CTNNA3: variants seen among roughly 807,000 people sequenced by gnomAD.
CTNNA3 encodes the protein catenin alpha 3, also known as catenin alpha-3.
A neutral mutation model predicts 95.7 loss-of-function variants in CTNNA3; 76 were observed. That is an observed-to-expected ratio of 0.79 (90% CI 0.66 to 0.96). CTNNA3 has a LOEUF of 0.96. Ranked by LOEUF, CTNNA3 falls within the 40% of genes least tolerant of loss-of-function variation. CTNNA3 has a pLI of 0.00. For missense variants in CTNNA3, 1,191 were observed against 1,089.8 expected (o/e 1.09, Z -1.31); for synonymous variants, 431 against 374.4 (o/e 1.15, Z -1.74).
At chr10:66,964,965 T>C (rs549798552) in intron 7 of CTNNA3, among the ~76,000 whole-genome samples, 6 of 152,284 alleles carry the variant, frequency 3.9e-5, no homozygotes, top group African/African-American at 1.4e-4. Context: ...TTTAAAGCTA[T>C]TAAAAAGCAA....
rs376091500 is a variant in CTNNA3, at chr10:66,766,359, G to C, written c.1186C>G (p.Leu396Val). Residue 396 changes from leucine to valine, a missense_variant, in exon 9 of 18, where the codon CTT (leucine) becomes GTT (valine). Physicochemically the swap from Leu to Val is conservative, Grantham distance 32 (BLOSUM62 1). Coordinates refer to ENST00000433211, the MANE Select transcript of CTNNA3 (RefSeq NM_013266.4). ...SDSFLDTTVP[L>V]LVLIEAAKNG... ...TTAGCAGCTTCAATGAGAACCAAAAGAGGGACTGTCGTATCCAGGAAAGAG... is the reference window on the plus strand; with the variant it reads ...TTAGCAGCTTCAATGAGAACCAAAACAGGGACTGTCGTATCCAGGAAAGAG... The C allele has an allele frequency of 1.5e-5, 24 of 1,613,566 alleles. No individual in the cohort carries two copies. Among genetic ancestry groups the C allele is most frequent in the Middle Eastern group, 3.3e-4 (2 of 6,080 alleles).
chr10:67,055,322 C>T (rs1172448628), intron 7 of CTNNA3, among the ~76,000 whole-genome samples: 2 of 152,114 alleles, frequency 1.3e-5, no homozygotes, highest in African/African-American at 4.8e-5. Context: ...TTGGAACAAA[C>T]TCATTAAGCA....
At chr10:67,640,871 C>CT (rs1180964665) in intron 2 of CTNNA3, among the ~76,000 whole-genome samples, 1 of 152,190 alleles carries the variant, frequency 6.6e-6, no homozygotes, top group Non-Finnish European at 1.5e-5. Context: ...GGATTAAAGA[C>CT]TTAAATGTTA....
chr10:66,976,458 T>C (rs1347588891), intron 7 of CTNNA3, among the ~76,000 whole-genome samples: 4 of 152,142 alleles, frequency 2.6e-5, no homozygotes, highest in Admixed American at 2.6e-4. Context: ...CTTGCCTTCA[T>C]CTCTTTTTCT....
intron 13 of CTNNA3, among the ~76,000 whole-genome samples, chr10:66,184,037 G>A (rs2086191244): frequency 6.6e-6 from 1 of 151,946 alleles, no homozygotes; most frequent in Non-Finnish European, 1.5e-5. Context: ...AAAATTTTAC[G>A]GCTCACGCCT....
At chr10:66,151,032 T>C (rs571939946) in intron 13 of CTNNA3, among the ~76,000 whole-genome samples, 55 of 152,174 alleles carry the variant, frequency 3.6e-4, no homozygotes, top group African/African-American at 1.3e-3. Context: ...CTGTATTTAA[T>C]AAACTTTTAA....
chr10:67,346,813 A>C (rs1842436847), intron 5 of CTNNA3: 1 of 363,572 alleles, frequency 2.8e-6, no homozygotes. Context: ...TCATGAACTT[A>C]CATTTAGAAA....
chr10:66,828,939 A>G (rs1842612310), intron 7 of CTNNA3, among the ~76,000 whole-genome samples: 1 of 152,226 alleles, frequency 6.6e-6, no homozygotes, highest in Non-Finnish European at 1.5e-5. Flanking sequence ...CACGTAGAGT[A>G]AATGTGAAGA....
intron 10 of CTNNA3, among the ~76,000 whole-genome samples, chr10:66,577,414 A>T (rs1323997400): frequency 6.6e-6 from 1 of 152,106 alleles, no homozygotes; most frequent in African/African-American, 2.4e-5. Context: ...GCCCATGTCC[A>T]GAATGGTATT....
intron 12 of CTNNA3, among the ~76,000 whole-genome samples, chr10:66,346,436 G>A (rs1005349258): frequency 1.3e-5 from 2 of 151,518 alleles, no homozygotes; most frequent in African/African-American, 4.8e-5. Context: ...GCACCACCAT[G>A]CTCGGCTAAG....
At chr10:66,460,650 C>G (rs10997140) in intron 11 of CTNNA3, among the ~76,000 whole-genome samples, 3 of 151,770 alleles carry the variant, frequency 2.0e-5, no homozygotes, top group African/African-American at 7.3e-5. Context: ...GCCCATAGAG[C>G]GACTGAGCAT....
chr10:66,524,742 A>C (rs1841189882), intron 10 of CTNNA3, among the ~76,000 whole-genome samples: 1 of 151,992 alleles, frequency 6.6e-6, no homozygotes, highest in Admixed American at 6.6e-5. Context: ...GACTGAACCT[A>C]TAATGTTTAA....
chr10:67,509,125 C>T (rs1839522274), intron 5 of CTNNA3, among the ~76,000 whole-genome samples: 1 of 151,992 alleles, frequency 6.6e-6, no homozygotes. Flanking sequence ...ATCTGCCTGC[C>T]TCAGCCTCCC....
chr10:67,574,577 C>CTTT (rs11288654), intron 3 of CTNNA3, among the ~76,000 whole-genome samples: 7 of 116,236 alleles, frequency 6.0e-5, no homozygotes, highest in East Asian at 5.6e-4. Context: ...AGGTTGTTAA[C>CTTT]TTTTTTTTTT....
intron 7 of CTNNA3, among the ~76,000 whole-genome samples, chr10:67,116,842 TG>T (rs1355822150): frequency 6.6e-6 from 1 of 151,450 alleles, no homozygotes; most frequent in Non-Finnish European, 1.5e-5. Context: ...TTACTTTATA[TG>T]TGTATAAACA....
At chr10:67,342,019 T>TGATATTA (rs1554824795) in intron 5 of CTNNA3, among the ~76,000 whole-genome samples, 14,114 of 150,180 alleles carry the variant, frequency 0.094, 1,074 homozygotes, top group East Asian at 0.24. Context: ...CCATCTATTC[T>TGATATTA]ACATAGCTAT....
intron 5 of CTNNA3, among the ~76,000 whole-genome samples, chr10:67,435,025 A>G (rs1846252824): frequency 6.6e-6 from 1 of 152,078 alleles, no homozygotes; most frequent in Admixed American, 6.6e-5. Flanking sequence ...ATATATTGCT[A>G]TAGGAATCTG....
rs149588649 is a variant in CTNNA3, at chr10:67,180,229, C to T, written c.1047+88G>A. On this transcript the variant is annotated intron_variant, in intron 7 of 17. Transcript: ENST00000433211. ...AATCACATACTCATTTGTAATTTAC[C>T]CTATTTTGTATACGGAAAGTATCTC... The T allele has an allele frequency of 4.4e-3, 4,759 of 1,091,704 alleles. 135 individuals are homozygous for T. Among genetic ancestry groups the T allele is most frequent in the Middle Eastern group, 0.027 (118 of 4,362 alleles). 67.6% of individuals were successfully genotyped at this position (1,091,704 alleles called of 1,614,324 possible). A position where few individuals can be genotyped will look rare whatever the true frequency, so the allele number is the denominator to read the frequency against.
chr10:66,379,936 TAATG>T (rs1359977057), intron 11 of CTNNA3, among the ~76,000 whole-genome samples: 2 of 152,170 alleles, frequency 1.3e-5, no homozygotes, highest in Non-Finnish European at 2.9e-5. Flanking sequence ...CAGCTAAAAC[TAATG>T]AATGAAGATG....
Sources: gnomAD v4.1 joint callset for allele counts (sites outside exome capture counted in the v4.1 genomes callset) on GRCh38, gnomAD v4.1.1 for gene constraint, MANE v1.5 for transcripts, NCBI Gene and HGNC (gene_info 2026-07-23, HGNC 2026-07-21) for gene names.